The following UBE2H variants were observed in gnomAD, a reference collection of about 807,000 sequenced individuals.
The protein encoded by UBE2H is ubiquitin-conjugating enzyme E2 H.
Under a neutral mutation model 29.0 loss-of-function variants are expected in UBE2H, and 3 were observed. The ratio of observed to expected loss-of-function variants is 0.10; its 90% confidence interval spans 0.05 to 0.27. UBE2H has a LOEUF of 0.27. Ranked by LOEUF, UBE2H falls within the 10% of genes least tolerant of loss-of-function variation. The probability of loss-of-function intolerance (pLI) is 1.00; values close to 1 mark genes in which losing one functional copy is unlikely to be tolerated. For missense variants in UBE2H, 68 were observed against 228.2 expected, an observed-to-expected ratio of 0.30 and a Z score of 4.52; for synonymous variants, 69 against 82.9, an observed-to-expected ratio of 0.83 and a Z score of 0.91.
intron 1 of UBE2H, among the ~76,000 whole-genome samples, chr7:129,937,284 A>G (rs1350306511): frequency 6.6e-6 from 1 of 152,100 alleles, no homozygotes; most frequent in African/African-American, 2.4e-5. Flanking sequence ...AGCCGAGATC[A>G]CACAACTGCA....
chr7:129,873,689 C>T (rs559784113), intron 3 of UBE2H, among the ~76,000 whole-genome samples: 95 of 151,974 alleles, frequency 6.3e-4, no homozygotes, highest in African/African-American at 2.2e-3. Context: ...GTGCCCACTT[C>T]GGCCTCCCCA....
intron 4 of UBE2H, among the ~76,000 whole-genome samples, chr7:129,858,226 T>A (rs983932802): frequency 2.0e-5 from 3 of 152,164 alleles, no homozygotes; most frequent in African/African-American, 7.2e-5. Flanking sequence ...GAGAATATCC[T>A]TGTTAGGATA....
chr7:129,913,201 G>A (rs1008814921), intron 1 of UBE2H, among the ~76,000 whole-genome samples: 11 of 145,662 alleles, frequency 7.6e-5, no homozygotes, highest in East Asian at 6.0e-4. Flanking sequence ...GCAGTGAGCC[G>A]AGATCATGCC....
chr7:129,834,786 G>C lies in UBE2H; in HGVS notation c.*151C>G. On this transcript the variant is annotated 3_prime_UTR_variant, in exon 7 of 7. Transcript: ENST00000355621. ...AATGACCAAGAAATCAAGATCTAAA[G>C]GGTGATATATAATATATATATATCA... 3.4e-6 allele frequency: 3 copies of C among 870,996 alleles called. No individual in the cohort carries two copies. The highest frequency in any genetic ancestry group is 5.0e-6 in the Non-Finnish European group (3 of 603,558). The allele number at this position is 870,996 out of a possible 1,614,324, so 54.0% of individuals were successfully genotyped here. A position where few individuals can be genotyped will look rare whatever the true frequency, so the allele number is the denominator to read the frequency against.
chr7:129,882,390 G>C (rs896080033), intron 1 of UBE2H, among the ~76,000 whole-genome samples: 4 of 152,088 alleles, frequency 2.6e-5, no homozygotes, highest in African/African-American at 9.7e-5. Context: ...CATTTAAAAA[G>C]TTTTAATAAT....
intron 1 of UBE2H, among the ~76,000 whole-genome samples, chr7:129,934,284 T>C (rs567818411): frequency 1.3e-5 from 2 of 151,494 alleles, no homozygotes; most frequent in Non-Finnish European, 2.9e-5. Flanking sequence ...AAAGCACCAC[T>C]GCACTCCAGC....
intron 1 of UBE2H, among the ~76,000 whole-genome samples, chr7:129,886,591 G>A (rs1390860106): frequency 6.6e-6 from 1 of 152,034 alleles, no homozygotes. Flanking sequence ...TCCCTGAGCT[G>A]TGTGGAAGGG....
chr7:129,944,820 T>C (rs2116527484), intron 1 of UBE2H, among the ~76,000 whole-genome samples: 1 of 151,924 alleles, frequency 6.6e-6, no homozygotes, highest in East Asian at 1.9e-4. Context: ...AAAAAGCGTA[T>C]ATCCATACAA....
intron 5 of UBE2H, among the ~76,000 whole-genome samples, chr7:129,854,066 T>G (rs1023015468): frequency 7.4e-5 from 11 of 148,892 alleles, no homozygotes; most frequent in Admixed American, 5.3e-4. Context: ...GTTAGTTTTT[T>G]TTTTTTTTTT....
At position 129,839,933 on chromosome 7, in the gene UBE2H, C is replaced by T. The variant is rs574092768; in HGVS notation, c.299-598G>A. ...CCATGTTGGTCAGGATGGTCTCAAACTCCTAACCTCAAGTGACCTGCCAGC... is the reference window on the plus strand; with the variant it reads ...CCATGTTGGTCAGGATGGTCTCAAATTCCTAACCTCAAGTGACCTGCCAGC... On this transcript the variant is annotated intron_variant, in intron 5 of 6. Coordinates refer to ENST00000355621, the MANE Select transcript of UBE2H (RefSeq NM_003344.4). 9.2e-5 allele frequency among the ~76,000 whole-genome samples: 14 copies of T among 152,310 alleles called. No homozygotes were observed. The South Asian group carries it at 2.7e-3, about 29-fold the overall frequency.
At chr7:129,935,139 T>G (rs2116503768) in intron 1 of UBE2H, among the ~76,000 whole-genome samples, 1 of 151,238 alleles carries the variant, frequency 6.6e-6, no homozygotes, top group Non-Finnish European at 1.5e-5. Context: ...AAAAATAAAT[T>G]TAAGGCTGGG....
intron 1 of UBE2H, among the ~76,000 whole-genome samples, chr7:129,917,231 A>G (rs1397581726): frequency 6.6e-6 from 1 of 152,220 alleles, no homozygotes; most frequent in African/African-American, 2.4e-5. Context: ...TGGGTCTCAC[A>G]TGTTGCCTAC....
intron 1 of UBE2H, among the ~76,000 whole-genome samples, chr7:129,920,375 A>G (rs1003654694): frequency 6.6e-6 from 1 of 152,216 alleles, no homozygotes; most frequent in South Asian, 2.1e-4. Context: ...ATAAATGTTA[A>G]TTATGACACT....
intron 1 of UBE2H, among the ~76,000 whole-genome samples, chr7:129,915,000 C>T (rs1807016068): frequency 6.6e-6 from 1 of 152,176 alleles, no homozygotes; most frequent in South Asian, 2.1e-4. Flanking sequence ...ATTAATGTGT[C>T]TGGCACACAG....
chr7:129,863,549 G>C (rs138752489), intron 3 of UBE2H, among the ~76,000 whole-genome samples: 93 of 152,276 alleles, frequency 6.1e-4, no homozygotes, highest in Middle Eastern at 3.4e-3. Context: ...GAGGAATTAT[G>C]GGGAAATATC....
At chr7:129,842,409 C>A (rs1273762268) in intron 5 of UBE2H, among the ~76,000 whole-genome samples, 1 of 151,974 alleles carries the variant, frequency 6.6e-6, no homozygotes, top group African/African-American at 2.4e-5. Context: ...CCAGCCTGGG[C>A]AAGTGAGTGG....
At chr7:129,919,980 T>C (rs1472569278) in intron 1 of UBE2H, among the ~76,000 whole-genome samples, 2 of 152,200 alleles carry the variant, frequency 1.3e-5, no homozygotes, top group Non-Finnish European at 2.9e-5. Flanking sequence ...AAAATTACTT[T>C]GAAGAGTGAT....
At chr7:129,913,098 A>C (rs1330017045) in intron 1 of UBE2H, among the ~76,000 whole-genome samples, 1 of 152,036 alleles carries the variant, frequency 6.6e-6, no homozygotes, top group Non-Finnish European at 1.5e-5. Context: ...TAAAAATACA[A>C]AAAATTAGCT....
At chr7:129,915,403 G>A (rs141050514) in intron 1 of UBE2H, among the ~76,000 whole-genome samples, 24,869 of 152,024 alleles carry the variant, frequency 0.16, 2,690 homozygotes, top group Non-Finnish European at 0.25. Context: ...GTGTGGTGGC[G>A]GGCACCTGTA....
Sources: allele counts gnomAD v4.1 joint callset (sites outside exome capture counted in the v4.1 genomes callset), GRCh38; gene constraint gnomAD v4.1.1; transcripts MANE v1.5; gene names NCBI Gene and HGNC (gene_info 2026-07-23, HGNC 2026-07-21).